BAIAP2L1: variants seen among roughly 807,000 people sequenced by gnomAD.
BAIAP2L1 encodes the protein BAR/IMD domain-containing adapter protein 2-like 1.
In BAIAP2L1, 35 loss-of-function variants were observed where a neutral mutation model predicts 66.3. That is an observed-to-expected ratio of 0.53 (90% confidence interval 0.40 to 0.70). The LOEUF is 0.70. Among genes scored for constraint, BAIAP2L1 ranks in the 30% least tolerant of loss-of-function variants. The pLI is 0.00. For missense variants in BAIAP2L1, 622 were observed against 656.9 expected, an observed-to-expected ratio of 0.95 and a Z score of 0.58; for synonymous variants, 269 against 248.7, an observed-to-expected ratio of 1.08 and a Z score of -0.77.
At chr7:98,347,317 CAGTG>C (rs930505860) in intron 3 of BAIAP2L1, among the ~76,000 whole-genome samples, 2 of 152,098 alleles carry the variant, frequency 1.3e-5, no homozygotes, top group Admixed American at 1.3e-4. Flanking sequence ...TTATAACTGA[CAGTG>C]AGTGCGTTTT....
Position 98,320,288 on chromosome 7 carries a change from G to A in BAIAP2L1, c.225C>T (p.Leu75=). Residue 75 remains leucine (L), a synonymous_variant, in exon 4 of 14, where the codon CTC becomes CTT. Transcript: ENST00000005260. The part of the protein sequence containing the change: ...SPVSTELGHV[L]IEISSTHKKL... ...TCTTGTGGGTACTTGAAATCTCTAT[G>A]AGGACATGTCCTGGGAACAAAACCA... The A allele has an allele frequency of 1.2e-6, 2 of 1,606,448 alleles. No individual in the cohort carries two copies. The highest frequency in any genetic ancestry group is 8.5e-7 in the Non-Finnish European group (1 of 1,175,258).
At chr7:98,356,746 G>A (rs1175805437) in intron 2 of BAIAP2L1, among the ~76,000 whole-genome samples, 2 of 149,364 alleles carry the variant, frequency 1.3e-5, no homozygotes, top group Non-Finnish European at 3.0e-5. Flanking sequence ...CGAGGCTGAG[G>A]TAGGAGGATC....
At chr7:98,343,350 C>A (rs1584471590) in intron 3 of BAIAP2L1, among the ~76,000 whole-genome samples, 2 of 151,824 alleles carry the variant, frequency 1.3e-5, no homozygotes, top group Middle Eastern at 6.8e-3. Context: ...ACTTGGGAGG[C>A]TGACGTGGGA....
At chr7:98,327,792 T>G (rs3823740) in intron 3 of BAIAP2L1, among the ~76,000 whole-genome samples, 56,733 of 152,136 alleles carry the variant, frequency 0.37, 12,242 homozygotes, top group Middle Eastern at 0.54. Context: ...ATTTACTTAT[T>G]TCTTTTTAGA....
chr7:98,370,567 T>C (rs949745376), intron 1 of BAIAP2L1, among the ~76,000 whole-genome samples: 4 of 151,810 alleles, frequency 2.6e-5, no homozygotes, highest in African/African-American at 9.7e-5. Context: ...AGTGGCGCGA[T>C]CTCGGCTCAC....
intron 3 of BAIAP2L1, among the ~76,000 whole-genome samples, chr7:98,330,103 T>C (rs1801459903): frequency 6.6e-6 from 1 of 152,146 alleles, no homozygotes; most frequent in South Asian, 2.1e-4. Context: ...TCAGTTCCTA[T>C]TATCTGACAC....
intron 3 of BAIAP2L1, among the ~76,000 whole-genome samples, chr7:98,327,827 C>T (rs1253906650): frequency 6.6e-6 from 1 of 152,168 alleles, no homozygotes; most frequent in African/African-American, 2.4e-5. Context: ...TTTCATCCAC[C>T]TCCGGCGGTT....
At chr7:98,311,987 C>T (rs1326371818) in intron 8 of BAIAP2L1, 110 bp downstream of exon 8, 30 of 1,144,318 alleles carry the variant, frequency 2.6e-5, no homozygotes, top group Non-Finnish European at 3.6e-5. Context: ...AAAAGGTGGT[C>T]CTGGAAGTAA....
intron 1 of BAIAP2L1, among the ~76,000 whole-genome samples, chr7:98,384,062 G>A (rs1802828295): frequency 6.6e-6 from 1 of 151,832 alleles, no homozygotes; most frequent in Admixed American, 6.6e-5. Context: ...GCTGAGGCAG[G>A]AGAATCACGT....
intron 9 of BAIAP2L1, chr7:98,309,778 G>C (rs900084351): frequency 2.0e-5 from 3 of 151,326 alleles, no homozygotes; most frequent in African/African-American, 7.4e-5. Context: ...CACAGGTCTC[G>C]AGGGTCCTGG....
At position 98,316,905 on chromosome 7, in the gene BAIAP2L1, C is replaced by T. The variant is rs1339511277; in HGVS notation, c.486+314G>A. On this transcript the variant is annotated intron_variant, in intron 6 of 13. Coordinates refer to ENST00000005260, the MANE Select transcript of BAIAP2L1 (RefSeq NM_018842.5). ...TTGAGATGGAGTCTCATTCTGTCACCCAGGCTGGAGTGCAGTGGCATAATC... is the reference window on the plus strand; with the variant it reads ...TTGAGATGGAGTCTCATTCTGTCACTCAGGCTGGAGTGCAGTGGCATAATC... Among the ~76,000 whole-genome samples, 7 of 151,950 alleles carry T rather than the reference C, an allele frequency of 4.6e-5. No individual in the cohort carries two copies. In the South Asian group the frequency reaches 8.3e-4, roughly 18 times the overall value.
intron 2 of BAIAP2L1, among the ~76,000 whole-genome samples, chr7:98,357,018 A>AAAAAAAAT (rs1802142075): frequency 8.2e-5 from 2 of 24,246 alleles, no homozygotes; most frequent in Non-Finnish European, 1.3e-4. Flanking sequence ...AAAAAAAAAA[A>AAAAAAAAT]AAATATATAT....
intron 1 of BAIAP2L1, among the ~76,000 whole-genome samples, chr7:98,366,020 G>A (rs948967959): frequency 2.0e-5 from 3 of 152,292 alleles, no homozygotes; most frequent in African/African-American, 7.2e-5. Context: ...CTGTGGGTGT[G>A]TGCACAGGGT....
intron 3 of BAIAP2L1, among the ~76,000 whole-genome samples, chr7:98,325,830 G>A (rs1043163693): frequency 1.3e-5 from 2 of 152,260 alleles, no homozygotes; most frequent in Non-Finnish European, 2.9e-5. Flanking sequence ...TGCATTAAAC[G>A]AGCGTGAGCT....
At chr7:98,400,566 A>ATCCC (rs1302640972) in intron 1 of BAIAP2L1, among the ~76,000 whole-genome samples, 2 of 95,796 alleles carry the variant, frequency 2.1e-5, no homozygotes, top group Admixed American at 2.5e-4. Context: ...AGGGGAGGGA[A>ATCCC]GGAGGAGGAA....
intron 1 of BAIAP2L1, among the ~76,000 whole-genome samples, chr7:98,378,640 G>T (rs1802686912): frequency 6.6e-6 from 1 of 151,990 alleles, no homozygotes. Context: ...CAAGGCTAGG[G>T]ATGTTTTTTT....
intron 1 of BAIAP2L1, among the ~76,000 whole-genome samples, chr7:98,375,393 T>TAA (rs35258578): frequency 2.5e-4 from 34 of 136,388 alleles, no homozygotes; most frequent in South Asian, 1.2e-3. Flanking sequence ...CACTCCATCT[T>TAA]AAAAAAAAAA....
intron 1 of BAIAP2L1, among the ~76,000 whole-genome samples, chr7:98,383,700 A>C (rs1802817381): frequency 6.6e-6 from 1 of 152,232 alleles, no homozygotes. Flanking sequence ...GAGAAGTAAC[A>C]TGTGAATGTG....
chr7:98,328,362 T>C (rs1459251502), intron 3 of BAIAP2L1, among the ~76,000 whole-genome samples: 1 of 152,118 alleles, frequency 6.6e-6, no homozygotes, highest in Non-Finnish European at 1.5e-5. Flanking sequence ...GAAGATGCAA[T>C]GACATCAGAC....
Sources: gnomAD v4.1 joint callset for allele counts (sites outside exome capture counted in the v4.1 genomes callset) on GRCh38, gnomAD v4.1.1 for gene constraint, MANE v1.5 for transcripts, NCBI Gene and HGNC (gene_info 2026-07-23, HGNC 2026-07-21) for gene names.